The following POLR3A variants were observed in gnomAD, a reference collection of about 807,000 sequenced individuals.
POLR3A encodes DNA-directed RNA polymerase III subunit RPC1.
In POLR3A, 112 loss-of-function variants were observed where a neutral mutation model predicts 152.8. That is an observed-to-expected ratio of 0.73 (90% CI 0.63 to 0.86). The LOEUF (loss-of-function observed/expected upper bound fraction) is 0.86. Among genes scored for constraint, POLR3A ranks in the 40% least tolerant of loss-of-function variants. The pLI is 0.00. For synonymous variants in POLR3A, 615 were observed against 652.1 expected, an observed-to-expected ratio of 0.94 and a Z score of 0.87; for missense variants, 1,385 against 1,743.1, an observed-to-expected ratio of 0.79 and a Z score of 3.66.
At chr10:78,007,013 G>C (rs117196320) in intron 15 of POLR3A, among the ~76,000 whole-genome samples, 1 of 151,964 alleles carries the variant, frequency 6.6e-6, no homozygotes, top group Non-Finnish European at 1.5e-5. Flanking sequence ...GAGAGGCTGC[G>C]TGAGCCAAGA....
intron 8 of POLR3A, chr10:78,019,597 G>A: frequency 2.7e-6 from 1 of 370,284 alleles, no homozygotes; most frequent in Non-Finnish European, 5.1e-6. Context: ...GACTTGATCT[G>A]CAATAACTTA....
intron 1 of POLR3A, among the ~76,000 whole-genome samples, chr10:78,027,016 C>T (rs1847641951): frequency 6.6e-6 from 1 of 152,162 alleles, no homozygotes; most frequent in African/African-American, 2.4e-5. Flanking sequence ...AGGTCCTTGC[C>T]AACAAAGAGC....
rs893829725 is a variant in POLR3A, at chr10:77,975,950, T to C, written c.*1528A>G. ...CATTAACAAACTTAATCCTTTGTCC[T>C]AAACCAGGCTCTAGCTCAATTCAAA... is the stretch of plus-strand genomic sequence containing the variant. On this transcript the variant is annotated 3_prime_UTR_variant, in exon 31 of 31. Transcript: ENST00000372371. 5 of 151,896 alleles carry C rather than the reference T, an allele frequency of 3.3e-5. No homozygotes were observed. Among genetic ancestry groups the C allele is most frequent in the African/African-American group, 1.2e-4 (5 of 41,332 alleles). 9.4% of individuals were successfully genotyped at this position (151,896 alleles called of 1,614,324 possible). A position where few individuals can be genotyped will look rare whatever the true frequency, so the allele number is the denominator to read the frequency against.
At chr10:77,985,087 C>CAT (rs1847184285) in intron 24 of POLR3A, 83 bp downstream of exon 24, 1 of 1,111,532 alleles carries the variant, frequency 9.0e-7, no homozygotes, top group Non-Finnish European at 1.4e-6. Context: ...GGATATCACA[C>CAT]ATATGCATGT....
rs532136707 is a variant in POLR3A at position 77,976,903 on chromosome 10, T to C, written c.*575A>G. The stretch of plus-strand genomic sequence containing the variant: ...AGTTTTTCCAGTGACGCTTACATGC[T>C]GACTTTCTTGGTTTCTATAGATGCT... On this transcript the variant is annotated 3_prime_UTR_variant, in exon 31 of 31. Coordinates refer to ENST00000372371, the MANE Select transcript of POLR3A (RefSeq NM_007055.4). 1 of 154,468 alleles carries C rather than the reference T, an allele frequency of 6.5e-6. No homozygotes were observed. Among genetic ancestry groups the C allele is most frequent in the African/African-American group, 2.4e-5 (1 of 41,598 alleles). The allele number at this position is 154,468 out of a possible 1,614,324, so 9.6% of individuals were successfully genotyped here.
intron 1 of POLR3A, among the ~76,000 whole-genome samples, chr10:78,028,366 T>G (rs1847657381): frequency 6.6e-6 from 1 of 152,210 alleles, no homozygotes; most frequent in Non-Finnish European, 1.5e-5. Flanking sequence ...CCTACCCTTG[T>G]CATTGCACTT....
chr10:78,006,395 C>CAAAAAAAAAAAAAAAAAAAAAA (rs36050560), intron 15 of POLR3A, among the ~76,000 whole-genome samples: 1 of 21,936 alleles, frequency 4.6e-5, no homozygotes, highest in African/African-American at 1.1e-4. Flanking sequence ...GACTCTGTCT[C>CAAAAAAAAAAAAAAAAAAAAAA]AAAAAAAAAA....
intron 21 of POLR3A, among the ~76,000 whole-genome samples, chr10:77,990,632 T>G (rs138991622): frequency 0.041 from 6,160 of 151,480 alleles, 274 homozygotes; most frequent in East Asian, 0.22. Context: ...TTTTTTTTTT[T>G]TTGAGATGGA....
intron 1 of POLR3A, among the ~76,000 whole-genome samples, chr10:78,028,803 G>T (rs1296910355): frequency 1.3e-5 from 2 of 151,968 alleles, no homozygotes; most frequent in Non-Finnish European, 2.9e-5. Context: ...GCGCCCGGCT[G>T]GATTCACTTT....
chr10:77,980,241 C>T lies in POLR3A; in HGVS notation c.3924G>A (p.Leu1308=). The stretch of plus-strand genomic sequence containing the variant: ...TCAGCACACTCTCCTTCATCTTGGC[C>T]AGGCCAAACCTAGTGATGCCCAGGA... ...GEVLGITRFG[L]AKMKESVLML... is the part of the protein sequence containing the mutation. The change falls in exon 30 of 31, where the codon CTG becomes CTA. Residue 1308 remains leucine (L), a synonymous_variant. Coordinates refer to ENST00000372371, the MANE Select transcript of POLR3A (RefSeq NM_007055.4). 2 of 1,614,042 alleles carry T rather than the reference C, an allele frequency of 1.2e-6. No homozygotes were observed. The highest frequency in any genetic ancestry group is 2.2e-5 in the South Asian group (2 of 91,062).
At chr10:77,999,145 C>G (rs1266726918) in intron 19 of POLR3A, among the ~76,000 whole-genome samples, 1 of 151,904 alleles carries the variant, frequency 6.6e-6, no homozygotes, top group East Asian at 1.9e-4. Context: ...ACACCGGGGA[C>G]TGTTGTGGGG....
chr10:77,994,367 G>C (rs920727768), intron 19 of POLR3A, among the ~76,000 whole-genome samples: 2 of 152,098 alleles, frequency 1.3e-5, no homozygotes, highest in African/African-American at 4.8e-5. Flanking sequence ...TATCTACCCT[G>C]GTTTTCCAGC....
intron 14 of POLR3A, among the ~76,000 whole-genome samples, chr10:78,008,176 A>G (rs548099434): frequency 5.3e-5 from 8 of 152,316 alleles, no homozygotes; most frequent in Admixed American, 4.6e-4. Context: ...ATGTTATGGG[A>G]TATTTTGAGC....
In POLR3A at chr10:78,010,503, G is replaced by T. The variant is rs749554502; in HGVS notation, c.1610C>A (p.Pro537Gln). The change falls in exon 12 of 31, where the codon CCG becomes CAG. Residue 537 changes from proline to glutamine, a missense_variant. Pro to Gln is a moderately conservative substitution (Grantham distance 76). Transcript: ENST00000372371. ...ANLVTPRNGEPLIAAIQDFLT... is the reference protein window; with the variant it reads ...ANLVTPRNGEQLIAAIQDFLT... Reference sequence around the variant, plus strand: ...AAAATCCTGAATAGCAGCAATCAGCGGTTCCCCATTCCTCGGGGTTACAAG... The same window carrying T: ...AAAATCCTGAATAGCAGCAATCAGCTGTTCCCCATTCCTCGGGGTTACAAG... 6.2e-7 allele frequency: 1 copy of T among 1,613,996 alleles called. No individual in the cohort carries two copies. The highest frequency in any genetic ancestry group is 8.5e-7 in the Non-Finnish European group (1 of 1,179,886).
rs776026515 is a variant in POLR3A at position 77,977,627 on chromosome 10, C to T, written c.4025-1G>A. ...CCCATGATGATGCACTCAGACACCC[C>T]TGAAACCAACCAGAATGAACATCAG... On this transcript the variant is annotated splice_acceptor_variant, in intron 30 of 30. Coordinates refer to ENST00000372371, the MANE Select transcript of POLR3A (RefSeq NM_007055.4). LOFTEE classifies it high-confidence loss of function. 4 of 1,612,850 alleles carry T rather than the reference C, an allele frequency of 2.5e-6. No individual in the cohort carries two copies. Among genetic ancestry groups the T allele is most frequent in the Non-Finnish European group, 2.5e-6 (3 of 1,178,868 alleles).
chr10:78,020,775 G>A (rs751675249), intron 8 of POLR3A, among the ~76,000 whole-genome samples: 6 of 152,106 alleles, frequency 3.9e-5, no homozygotes, highest in Non-Finnish European at 8.8e-5. Flanking sequence ...GCGACAGAGC[G>A]AGACTCCACC....
chr10:77,985,843 C>T, intron 23 of POLR3A, 60 bp downstream of exon 23: 1 of 1,248,394 alleles, frequency 8.0e-7, no homozygotes, highest in Non-Finnish European at 1.2e-6. Flanking sequence ...CATGGGGAAA[C>T]AGAAGGGATA....
chr10:78,017,765 C>T, intron 9 of POLR3A, 49 bp from the exon 10 acceptor site: 1 of 1,590,768 alleles, frequency 6.3e-7, no homozygotes, highest in South Asian at 1.1e-5. Flanking sequence ...GTTCTCTCAC[C>T]AAGTTTCTCC....
intron 20 of POLR3A, 90 bp from the exon 21 acceptor site, chr10:77,991,257 C>T: frequency 1.3e-6 from 1 of 783,816 alleles, no homozygotes; most frequent in Non-Finnish European, 2.3e-6. Flanking sequence ...ATAAAATGAC[C>T]TTACCCAAGG....
Sources: gnomAD v4.1 joint callset for allele counts (sites outside exome capture counted in the v4.1 genomes callset) on GRCh38, gnomAD v4.1.1 for gene constraint, MANE v1.5 for transcripts, NCBI Gene and HGNC (gene_info 2026-07-23, HGNC 2026-07-21) for gene names.